Variants in MGLL observed in about 807,000 individuals in gnomAD.
MGLL encodes lysophospholipase homolog.
In MGLL, 7 loss-of-function variants were observed where a neutral mutation model predicts 29.1. The ratio of observed to expected loss-of-function variants is 0.24; its 90% CI spans 0.14 to 0.45. The LOEUF (loss-of-function observed/expected upper bound fraction) is 0.45, where lower values mean the gene tolerates loss of function less well. MGLL is among the 20% of genes least tolerant of loss of function. The pLI is 0.99. For missense variants in MGLL, 356 were observed against 413.6 expected, an observed-to-expected ratio of 0.86 and a Z score of 1.21; for synonymous variants, 148 against 168.3, an observed-to-expected ratio of 0.88 and a Z score of 0.93.
At chr3:127,767,799 T>C (rs1205811039) in intron 3 of MGLL, among the ~76,000 whole-genome samples, 1 of 152,236 alleles carries the variant, frequency 6.6e-6, no homozygotes, top group African/African-American at 2.4e-5. Flanking sequence ...TTTCAGTACA[T>C]GTCTTCAGCA....
chr3:127,714,285 A>G (rs1400688987), intron 5 of MGLL: 1 of 152,284 alleles, frequency 6.6e-6, no homozygotes, highest in South Asian at 2.1e-4. Context: ...TATTGCTGAA[A>G]GCGCAAACAG....
intron 3 of MGLL, chr3:127,735,632 T>C (rs2076228658): frequency 1.4e-6 from 2 of 1,441,862 alleles, no homozygotes; most frequent in African/African-American, 1.4e-5. Flanking sequence ...AATTCCAAGA[T>C]TGTAGTTACC....
chr3:127,731,501 A>T (rs1174291616), intron 3 of MGLL, among the ~76,000 whole-genome samples: 1 of 152,144 alleles, frequency 6.6e-6, no homozygotes, highest in Admixed American at 6.5e-5. Context: ...CTGGAAAGAC[A>T]GTCCCACCCC....
intron 5 of MGLL, chr3:127,711,698 C>T (rs2075717033): frequency 6.6e-6 from 1 of 151,792 alleles, no homozygotes; most frequent in African/African-American, 2.4e-5. Flanking sequence ...GAGGAACCAC[C>T]TTCTGGTGCA....
intron 3 of MGLL, among the ~76,000 whole-genome samples, chr3:127,747,411 A>G (rs2076468441): frequency 6.6e-6 from 1 of 152,234 alleles, no homozygotes; most frequent in Non-Finnish European, 1.5e-5. Context: ...ACAGGATGGC[A>G]TAATCAGGGT....
At chr3:127,719,572 T>G (rs866629230) in intron 5 of MGLL, among the ~76,000 whole-genome samples, 1 of 152,264 alleles carries the variant, frequency 6.6e-6, no homozygotes, top group Non-Finnish European at 1.5e-5. Flanking sequence ...ATATAGCAAA[T>G]CCCATGGAAC....
At chr3:127,792,664 T>C (rs958431420) in intron 2 of MGLL, among the ~76,000 whole-genome samples, 3 of 151,856 alleles carry the variant, frequency 2.0e-5, no homozygotes, top group East Asian at 1.9e-4. Flanking sequence ...GATCGCGCCA[T>C]TGCACTCCAG....
At chr3:127,787,761 C>T (rs1335993063) in intron 2 of MGLL, among the ~76,000 whole-genome samples, 3 of 152,232 alleles carry the variant, frequency 2.0e-5, no homozygotes, top group Non-Finnish European at 4.4e-5. Context: ...CCCACTCATT[C>T]GACTGGATCC....
Position 127,808,208 on chromosome 3 carries a change from T to C in MGLL, c.155+13486A>G, listed in dbSNP as rs57104008. ...TGACAGAAAGTGATTCCCATGCTTA[T>C]TGGTTTATGTGATTGTTAGGCTCAG... On this transcript the variant is annotated intron_variant, in intron 2 of 7. Transcript: ENST00000265052. Among the ~76,000 whole-genome samples, 164 of 152,342 alleles carry C rather than the reference T, an allele frequency of 1.1e-3. No individual in the cohort carries two copies. The East Asian group carries it at 0.024, about 22-fold the overall frequency.
chr3:127,710,874 TG>T (rs1164789451), intron 5 of MGLL: 5 of 533,128 alleles, frequency 9.4e-6, no homozygotes, highest in Non-Finnish European at 1.7e-5. Context: ...TGCTCCACCT[TG>T]GGGGAGCTGG....
intron 2 of MGLL, among the ~76,000 whole-genome samples, chr3:127,809,510 C>T (rs2077624177): frequency 6.6e-6 from 1 of 152,026 alleles, no homozygotes; most frequent in Admixed American, 6.5e-5. Flanking sequence ...CCTGTAGTCC[C>T]AGGTACTCAG....
chr3:127,752,442 C>G (rs2107671297), intron 3 of MGLL, among the ~76,000 whole-genome samples: 1 of 152,204 alleles, frequency 6.6e-6, no homozygotes, highest in Admixed American at 6.5e-5. Flanking sequence ...ATAAACAGCA[C>G]TTTATTTTTT....
intron 2 of MGLL, among the ~76,000 whole-genome samples, chr3:127,793,717 A>G (rs1234599710): frequency 1.3e-5 from 2 of 152,136 alleles, no homozygotes; most frequent in Non-Finnish European, 2.9e-5. Flanking sequence ...GCCTGCCACC[A>G]CGCCCAGCTA....
At chr3:127,700,030 C>T (rs1337278302) in intron 6 of MGLL, among the ~76,000 whole-genome samples, 1 of 152,226 alleles carries the variant, frequency 6.6e-6, no homozygotes. Flanking sequence ...ACGGAAGCGT[C>T]ACCCTTCCAC....
chr3:127,749,099 T>C lies in MGLL; in HGVS notation c.263-26533A>G, dbSNP rs544034259. ...GCATGCTGAAGCCTGGGTTTGGCAA[T>C]GTGTCGAGATGCCTGTGATCTGGGC... On this transcript the variant is annotated intron_variant, in intron 3 of 7. Transcript: ENST00000265052. 5.3e-5 allele frequency among the ~76,000 whole-genome samples: 8 copies of C among 152,318 alleles called. No homozygotes were observed. The South Asian group carries it at 1.7e-3, about 32-fold the overall frequency.
At position 127,777,753 on chromosome 3, in the gene MGLL, G is replaced by A. The variant is rs143784181; in HGVS notation, c.262+4036C>T. ...AAAACTTCCCTTTGCTAACACATGCGCAATGAGAATGGATCTGCTTGAATA... is the reference window on the plus strand; with the variant it reads ...AAAACTTCCCTTTGCTAACACATGCACAATGAGAATGGATCTGCTTGAATA... On this transcript the variant is annotated intron_variant, in intron 3 of 7. Coordinates refer to ENST00000265052, the MANE Select transcript of MGLL (RefSeq NM_007283.7). Among the ~76,000 whole-genome samples, 922 of 143,724 alleles carry A rather than the reference G, an allele frequency of 6.4e-3. 10 individuals are homozygous for A. Among genetic ancestry groups the A allele is most frequent in the African/African-American group, 0.022 (867 of 40,062 alleles). The allele number at this position is 143,724 out of a possible 152,430, so 94.3% of individuals were successfully genotyped here. A position where few individuals can be genotyped will look rare whatever the true frequency, so the allele number is the denominator to read the frequency against.
intron 3 of MGLL, among the ~76,000 whole-genome samples, chr3:127,749,204 T>C (rs1323062185): frequency 6.6e-6 from 1 of 152,232 alleles, no homozygotes; most frequent in African/African-American, 2.4e-5. Context: ...AGACTCTCCA[T>C]GTATTCATTC....
In MGLL at chr3:127,693,748, C is replaced by CG. The variant is rs901646346; in HGVS notation, c.816+1226dup. ...GCTCATCCCACCAGGATACAGGTTC[C>CG]GGGGGGGCAGGGCAGAGCCTTTGCC... On this transcript the variant is annotated intron_variant, in intron 7 of 7. Coordinates refer to ENST00000265052, the MANE Select transcript of MGLL (RefSeq NM_007283.7). 7.2e-4 allele frequency among the ~76,000 whole-genome samples: 110 copies of CG among 152,200 alleles called. 1 individual carries two copies. The highest frequency in any genetic ancestry group is 2.3e-3 in the African/African-American group (96 of 41,514).
chr3:127,787,067 G>A (rs187420473), intron 2 of MGLL, among the ~76,000 whole-genome samples: 8 of 152,306 alleles, frequency 5.3e-5, no homozygotes, highest in East Asian at 3.9e-4. Flanking sequence ...GAGGCCCTGC[G>A]GCTCAGGATC....
Sources: gnomAD v4.1 joint callset for allele counts (sites outside exome capture counted in the v4.1 genomes callset) on GRCh38, gnomAD v4.1.1 for gene constraint, MANE v1.5 for transcripts, NCBI Gene and HGNC (gene_info 2026-07-23, HGNC 2026-07-21) for gene names.